Variants in TTC23 observed in about 807,000 individuals in gnomAD.
TTC23 encodes the protein tetratricopeptide repeat protein 23.
Under a neutral mutation model 55.1 loss-of-function variants are expected in TTC23, and 58 were observed. That is an observed-to-expected ratio of 1.05 (90% CI 0.85 to 1.31). The LOEUF is 1.31. Among genes scored for constraint, TTC23 ranks in the 50% most tolerant of loss-of-function variants. The probability of loss-of-function intolerance (pLI) is 0.00; values close to 1 mark genes in which losing one functional copy is unlikely to be tolerated. For missense variants in TTC23, 516 were observed against 534.4 expected (o/e 0.97, Z 0.34); for synonymous variants, 203 against 199.9 (o/e 1.02, Z -0.13).
chr15:99,185,232 A>T (rs771265838), intron 9 of TTC23, among the ~76,000 whole-genome samples: 9 of 152,248 alleles, frequency 5.9e-5, no homozygotes, highest in Non-Finnish European at 1.0e-4. Context: ...AATTAAAAAT[A>T]GCATTTTCTG....
intron 9 of TTC23, among the ~76,000 whole-genome samples, chr15:99,191,498 G>A (rs1596526363): frequency 6.6e-6 from 1 of 152,198 alleles, no homozygotes; most frequent in South Asian, 2.1e-4. Context: ...TCTCGTAATA[G>A]TGAATAAGTC....
intron 8 of TTC23, among the ~76,000 whole-genome samples, chr15:99,216,465 T>A (rs189216488): frequency 6.6e-6 from 1 of 151,808 alleles, no homozygotes; most frequent in African/African-American, 2.4e-5. Context: ...AAGCGGGCAA[T>A]AGATGTAAGA....
intron 12 of TTC23, chr15:99,141,115 T>C (rs1555490168): frequency 2.6e-5 from 4 of 152,252 alleles, no homozygotes; most frequent in Non-Finnish European, 5.9e-5. Context: ...AGAATTCTTT[T>C]ATATATTGAT....
intron 9 of TTC23, among the ~76,000 whole-genome samples, chr15:99,187,836 T>C (rs902044302): frequency 1.3e-5 from 2 of 151,918 alleles, no homozygotes; most frequent in African/African-American, 4.8e-5. Context: ...AAAAGACAGA[T>C]AGTAAGAAGT....
chr15:99,215,756 AAAG>A (rs1156743006), intron 8 of TTC23, among the ~76,000 whole-genome samples: 1 of 152,170 alleles, frequency 6.6e-6, no homozygotes, highest in African/African-American at 2.4e-5. Flanking sequence ...ACAAAAAAGA[AAAG>A]AAGAAAGAAA....
intron 9 of TTC23, among the ~76,000 whole-genome samples, chr15:99,193,863 G>A (rs943430476): frequency 6.6e-6 from 1 of 152,090 alleles, no homozygotes; most frequent in Non-Finnish European, 1.5e-5. Flanking sequence ...ACAAAAATTA[G>A]TTGGATGTGG....
At chr15:99,164,833 A>C (rs2071840784) in intron 10 of TTC23, among the ~76,000 whole-genome samples, 1 of 152,310 alleles carries the variant, frequency 6.6e-6, no homozygotes, top group African/African-American at 2.4e-5. Context: ...AGGATCAAAA[A>C]TCCAATCAGC....
At chr15:99,195,589 T>C (rs1010934553) in intron 9 of TTC23, among the ~76,000 whole-genome samples, 3 of 152,078 alleles carry the variant, frequency 2.0e-5, no homozygotes, top group African/African-American at 4.8e-5. Flanking sequence ...GAGAGATGAA[T>C]AGGCAGAGCA....
At chr15:99,218,518 C>T (rs1405340559) in intron 8 of TTC23, 70 bp downstream of exon 8, 77 of 1,601,852 alleles carry the variant, frequency 4.8e-5, no homozygotes, top group African/African-American at 9.4e-5. Context: ...GCTCCTCCTA[C>T]CTGAGACAGA....
chr15:99,159,406 T>G (rs774155625), intron 11 of TTC23: 2 of 152,182 alleles, frequency 1.3e-5, no homozygotes, highest in African/African-American at 2.4e-5. Flanking sequence ...GAATATATAC[T>G]TACAAATATT....
At chr15:99,223,748 C>A (rs2078145794) in intron 5 of TTC23, among the ~76,000 whole-genome samples, 1 of 152,220 alleles carries the variant, frequency 6.6e-6, no homozygotes, top group Non-Finnish European at 1.5e-5. Flanking sequence ...TCAAGACCAG[C>A]TGATGCTGTG....
chr15:99,176,850 T>C (rs1218404449), intron 9 of TTC23, among the ~76,000 whole-genome samples: 1 of 152,214 alleles, frequency 6.6e-6, no homozygotes, highest in Non-Finnish European at 1.5e-5. Flanking sequence ...ACCCTGATCC[T>C]CTAACTTCAA....
At position 99,187,452 on chromosome 15, in the gene TTC23, C is replaced by CAAAAA. The variant is rs66568931; in HGVS notation, c.760-12302_760-12298dup. On this transcript the variant is annotated intron_variant, in intron 9 of 13. Transcript: ENST00000394132. ...GGAGATGTGATGCCAAAAGCACAAGCAAAAAAAAAAAAAAAACAAAACAAA... is the reference window on the plus strand; with the variant it reads ...GGAGATGTGATGCCAAAAGCACAAGCAAAAAAAAAAAAAAAAAAAAACAAAACAAA... Among the ~76,000 whole-genome samples, 255 of 44,368 alleles carry CAAAAA rather than the reference C, an allele frequency of 5.7e-3. 15 individuals are homozygous for CAAAAA. The highest frequency in any genetic ancestry group is 0.012 in the African/African-American group (126 of 10,162). The allele number at this position is 44,368 out of a possible 152,430, so 29.1% of individuals were successfully genotyped here. A position where few individuals can be genotyped will look rare whatever the true frequency, so the allele number is the denominator to read the frequency against.
chr15:99,142,962 C>T (rs965781446), intron 12 of TTC23, among the ~76,000 whole-genome samples: 10 of 152,360 alleles, frequency 6.6e-5, no homozygotes, highest in African/African-American at 2.2e-4. Flanking sequence ...AAACTCAACT[C>T]TTCCTGGTAT....
intron 13 of TTC23, chr15:99,139,008 T>G (rs1168404870): frequency 1.9e-5 from 8 of 430,590 alleles, no homozygotes; most frequent in Non-Finnish European, 3.5e-5. Flanking sequence ...GAAGCAGGGC[T>G]GCAGGAGGCC....
intron 10 of TTC23, among the ~76,000 whole-genome samples, chr15:99,168,254 G>A (rs2072420801): frequency 6.6e-6 from 1 of 152,194 alleles, no homozygotes; most frequent in South Asian, 2.1e-4. Flanking sequence ...AAAGTGAAGT[G>A]ATCCAATGGC....
At chr15:99,156,117 A>G in intron 12 of TTC23, 31 bp downstream of exon 12, 1 of 1,613,900 alleles carries the variant, frequency 6.2e-7, no homozygotes, top group Non-Finnish European at 8.5e-7. Context: ...GGGAGAGCCT[A>G]GTCTCGTGTT....
intron 12 of TTC23, among the ~76,000 whole-genome samples, chr15:99,149,067 C>T (rs1183877879): frequency 2.6e-5 from 4 of 152,198 alleles, no homozygotes; most frequent in Admixed American, 6.5e-5. Context: ...GTGATAAACA[C>T]GAGAGCCACC....
chr15:99,217,162 T>TC (rs2077538464), intron 8 of TTC23, among the ~76,000 whole-genome samples: 2 of 116,178 alleles, frequency 1.7e-5, no homozygotes, highest in African/African-American at 6.2e-5. Context: ...TTTTTTCTCT[T>TC]CTTTTTTTTT....
Sources: gnomAD v4.1 joint callset for allele counts (sites outside exome capture counted in the v4.1 genomes callset) on GRCh38, gnomAD v4.1.1 for gene constraint, MANE v1.5 for transcripts, NCBI Gene and HGNC (gene_info 2026-07-23, HGNC 2026-07-21) for gene names.